MBNL2: variants seen among roughly 807,000 people sequenced by gnomAD.
The protein encoded by MBNL2 is muscleblind like splicing regulator 2, also known as muscleblind-like protein 2.
A neutral mutation model predicts 41.9 loss-of-function variants in MBNL2; 17 were observed. The observed-to-expected ratio is 0.41, with a 90% CI of 0.28 to 0.61. MBNL2 has a LOEUF of 0.61. Among genes scored for constraint, MBNL2 ranks in the 20% least tolerant of loss-of-function variants. MBNL2 has a pLI of 0.35. For missense variants in MBNL2, 336 were observed against 505.6 expected, an observed-to-expected ratio of 0.66 and a Z score of 3.22; for synonymous variants, 195 against 182.9, an observed-to-expected ratio of 1.07 and a Z score of -0.53.
intron 2 of MBNL2, among the ~76,000 whole-genome samples, chr13:97,321,415 T>C (rs2059492336): frequency 6.6e-6 from 1 of 152,144 alleles, no homozygotes; most frequent in African/African-American, 2.4e-5. Context: ...CTTGGGACAG[T>C]GTCTGTTTTC....
intron 2 of MBNL2, among the ~76,000 whole-genome samples, chr13:97,288,806 C>T (rs924991018): frequency 9.9e-5 from 15 of 152,152 alleles, no homozygotes; most frequent in African/African-American, 2.7e-4. Context: ...ACAAATCCTC[C>T]CCTGAGCACT....
At chr13:97,270,131 T>C (rs971038940) in intron 1 of MBNL2, among the ~76,000 whole-genome samples, 7 of 152,184 alleles carry the variant, frequency 4.6e-5, no homozygotes, top group Non-Finnish European at 1.0e-4. Context: ...TTCTTAGGAC[T>C]TTCTATCACC....
chr13:97,327,560 T>TAAAAAAAAA lies in MBNL2; in HGVS notation c.175-6701_175-6693dup, dbSNP rs71922683. 6.4e-4 allele frequency among the ~76,000 whole-genome samples: 58 copies of TAAAAAAAAA among 90,728 alleles called. 2 individuals carry two copies. The highest frequency in any genetic ancestry group is 7.2e-3 in the Middle Eastern group (1 of 138). 59.5% of individuals were successfully genotyped at this position (90,728 alleles called of 152,430 possible). A position where few individuals can be genotyped will look rare whatever the true frequency, so the allele number is the denominator to read the frequency against. On this transcript the variant is annotated intron_variant, in intron 2 of 8. Transcript: ENST00000679496. ...GGCACAGACTATTATACGTTATTTG[T>TAAAAAAAAA]AAAAAAAAAAAAAAAAAAAAAAAGT...
At chr13:97,194,128 A>G in the MBNL2 span, among the ~76,000 whole-genome samples, 1 of 152,214 alleles carries the variant, frequency 6.6e-6, no homozygotes, top group Admixed American at 6.5e-5. Context: ...TCTTCCCATC[A>G]TGCACAATTC....
chr13:97,328,042 A>T (rs1291054969), intron 2 of MBNL2, among the ~76,000 whole-genome samples: 3 of 152,122 alleles, frequency 2.0e-5, no homozygotes, highest in Non-Finnish European at 4.4e-5. Context: ...GTGAGGCAGA[A>T]ACTATTCTTA....
chr13:97,361,987 G>T (rs116853055), intron 7 of MBNL2, among the ~76,000 whole-genome samples: 2,276 of 151,894 alleles, frequency 0.015, 21 homozygotes, highest in Middle Eastern at 0.037. Flanking sequence ...TGGCCAGACT[G>T]GTCTTGATCT....
At chr13:97,199,362 T>C in the MBNL2 span, among the ~76,000 whole-genome samples, 7,665 of 152,194 alleles carry the variant, frequency 0.05, 255 homozygotes, top group South Asian at 0.14. Flanking sequence ...ATGTATTATA[T>C]ACACACTCTT....
At chr13:97,372,391 G>A (rs1317367262) in intron 8 of MBNL2, among the ~76,000 whole-genome samples, 2 of 151,880 alleles carry the variant, frequency 1.3e-5, no homozygotes, top group Non-Finnish European at 2.9e-5. Context: ...TTGGAAATTA[G>A]TTGATAATAT....
chr13:97,306,409 T>C (rs980811308), intron 2 of MBNL2, among the ~76,000 whole-genome samples: 1 of 152,258 alleles, frequency 6.6e-6, no homozygotes, highest in African/African-American at 2.4e-5. Context: ...TTTTTCTCAC[T>C]TTCTTCAAAC....
chr13:97,160,504 A>G, the MBNL2 span, among the ~76,000 whole-genome samples: 4 of 152,166 alleles, frequency 2.6e-5, no homozygotes, highest in African/African-American at 9.7e-5. Context: ...AAAACTCAGT[A>G]TAGAAAATGA....
At chr13:97,173,192 G>A in the MBNL2 span, among the ~76,000 whole-genome samples, 2 of 152,160 alleles carry the variant, frequency 1.3e-5, no homozygotes, top group African/African-American at 4.8e-5. Context: ...CACTAAGACT[G>A]TTTCCTTGTC....
chr13:97,300,721 C>T (rs1157207144), intron 2 of MBNL2, among the ~76,000 whole-genome samples: 1 of 152,212 alleles, frequency 6.6e-6, no homozygotes, highest in Non-Finnish European at 1.5e-5. Context: ...TCCATGCTAA[C>T]CACCATTGAT....
At chr13:97,359,833 A>G (rs1292174067) in intron 7 of MBNL2, among the ~76,000 whole-genome samples, 6 of 152,238 alleles carry the variant, frequency 3.9e-5, no homozygotes, top group Non-Finnish European at 8.8e-5. Context: ...ATGGTATTTC[A>G]ACTGCTAAGA....
intron 1 of MBNL2, among the ~76,000 whole-genome samples, chr13:97,229,659 A>G (rs1450132614): frequency 6.6e-6 from 1 of 152,096 alleles, no homozygotes; most frequent in Non-Finnish European, 1.5e-5. Flanking sequence ...CCAGGAAGGA[A>G]CCTTGACCTT....
intron 1 of MBNL2, among the ~76,000 whole-genome samples, chr13:97,238,413 C>A (rs2043689079): frequency 6.6e-6 from 1 of 152,156 alleles, no homozygotes; most frequent in Admixed American, 6.6e-5. Flanking sequence ...GTATGGGCCT[C>A]ATAACCTCTC....
the MBNL2 span, among the ~76,000 whole-genome samples, chr13:97,185,493 A>T: frequency 6.6e-6 from 1 of 152,216 alleles, no homozygotes; most frequent in African/African-American, 2.4e-5. Flanking sequence ...TCTGAAGATT[A>T]TCTTGGATTA....
At chr13:97,248,425 G>A (rs1410375045) in intron 1 of MBNL2, among the ~76,000 whole-genome samples, 3 of 152,198 alleles carry the variant, frequency 2.0e-5, no homozygotes, top group South Asian at 2.1e-4. Context: ...GTGAGCCACC[G>A]CACCCGGGGC....
chr13:97,251,808 A>ATAT (rs2046566915), intron 1 of MBNL2, among the ~76,000 whole-genome samples: 1 of 132,694 alleles, frequency 7.5e-6, no homozygotes, highest in Non-Finnish European at 1.6e-5. Context: ...TCCATGTGTG[A>ATAT]TATTTATTAT....
chr13:97,156,474 C>A, the MBNL2 span, among the ~76,000 whole-genome samples: 2 of 138,586 alleles, frequency 1.4e-5, no homozygotes, highest in Non-Finnish European at 3.1e-5. Context: ...CTTGCCCATG[C>A]CTATGTCCTG....
Sources: gnomAD v4.1 joint callset for allele counts (sites outside exome capture counted in the v4.1 genomes callset) on GRCh38, gnomAD v4.1.1 for gene constraint, MANE v1.5 for transcripts, NCBI Gene and HGNC (gene_info 2026-07-23, HGNC 2026-07-21) for gene names.